FMN2: variants seen among roughly 807,000 people sequenced by gnomAD.
The protein encoded by FMN2 is formin-2.
A neutral mutation model predicts 142.3 loss-of-function variants in FMN2; 51 were observed. The ratio of observed to expected loss-of-function variants is 0.36; its 90% confidence interval spans 0.29 to 0.45. The LOEUF is 0.45. Among genes scored for constraint, FMN2 ranks in the 20% least tolerant of loss-of-function variants. The pLI is 1.00. For synonymous variants in FMN2, 882 were observed against 869.8 expected, an observed-to-expected ratio of 1.01 and a Z score of -0.25; for missense variants, 1,936 against 2,122.8, an observed-to-expected ratio of 0.91 and a Z score of 1.73.
chr1:240,243,055 C>T (rs1411023084), intron 6 of FMN2, among the ~76,000 whole-genome samples: 1 of 151,978 alleles, frequency 6.6e-6, no homozygotes, highest in Non-Finnish European at 1.5e-5. Flanking sequence ...TCCCCTGAGG[C>T]TTACCATTAA....
chr1:240,355,001 G>C (rs891506415), intron 13 of FMN2, among the ~76,000 whole-genome samples: 1 of 152,118 alleles, frequency 6.6e-6, no homozygotes, highest in African/African-American at 2.4e-5. Context: ...AATCTTCTTA[G>C]AGGTACTTCT....
At chr1:240,121,143 T>G (rs1662227090) in intron 1 of FMN2, among the ~76,000 whole-genome samples, 1 of 147,346 alleles carries the variant, frequency 6.8e-6, no homozygotes, top group African/African-American at 2.7e-5. Flanking sequence ...ACAGCGAAAG[T>G]CTATCTCAAA....
At position 240,184,425 on chromosome 1, in the gene FMN2, G is replaced by A. The variant is rs547689048; in HGVS notation, c.1931-3782G>A. Among the ~76,000 whole-genome samples the A allele has an allele frequency of 3.3e-4, 50 of 150,954 alleles. No homozygotes were observed. In the South Asian group the frequency reaches 5.0e-3, roughly 15 times the overall value. On this transcript the variant is annotated intron_variant, in intron 3 of 17. Transcript: ENST00000319653. ...TCATTTTTGTATTTTTAGTAGAGAC[G>A]GGGTTTCACCGTATTGGCCTGACCT...
At chr1:240,288,114 T>C (rs1669652630) in intron 7 of FMN2, among the ~76,000 whole-genome samples, 1 of 152,162 alleles carries the variant, frequency 6.6e-6, no homozygotes, top group Admixed American at 6.5e-5. Flanking sequence ...TGTTTTAGCC[T>C]TTCAGCATTC....
intron 2 of FMN2, among the ~76,000 whole-genome samples, chr1:240,161,703 G>A (rs1160868431): frequency 6.6e-6 from 1 of 152,140 alleles, no homozygotes; most frequent in Non-Finnish European, 1.5e-5. Context: ...ACTGACAAAA[G>A]TGGCACTGAA....
chr1:240,187,428 A>G (rs1044426860), intron 3 of FMN2, among the ~76,000 whole-genome samples: 31 of 152,236 alleles, frequency 2.0e-4, no homozygotes, highest in African/African-American at 7.5e-4. Flanking sequence ...AACCACTTGC[A>G]TTATGGGCTT....
chr1:240,159,754 T>A (rs1664181004), intron 2 of FMN2, among the ~76,000 whole-genome samples: 1 of 151,914 alleles, frequency 6.6e-6, no homozygotes, highest in African/African-American at 2.4e-5. Context: ...AAATAATGCA[T>A]GCTCACTGAG....
intron 7 of FMN2, among the ~76,000 whole-genome samples, chr1:240,262,444 G>T (rs1037737593): frequency 5.3e-5 from 8 of 152,014 alleles, no homozygotes; most frequent in Non-Finnish European, 1.0e-4. Flanking sequence ...AATAATTTTG[G>T]CCTGTTATTC....
intron 6 of FMN2, among the ~76,000 whole-genome samples, chr1:240,254,956 G>A (rs1558395691): frequency 1.3e-5 from 2 of 152,134 alleles, no homozygotes; most frequent in Middle Eastern, 3.2e-3. Context: ...CTCAGTGCGC[G>A]CTCCCTCTGG....
At chr1:240,308,145 T>C (rs1454088598) in intron 8 of FMN2, among the ~76,000 whole-genome samples, 2 of 152,038 alleles carry the variant, frequency 1.3e-5, no homozygotes, top group Non-Finnish European at 2.9e-5. Context: ...TTGCGGGAGA[T>C]GAGGAAGAGA....
At chr1:240,436,634 G>A (rs1004440487) in intron 15 of FMN2, among the ~76,000 whole-genome samples, 1 of 150,326 alleles carries the variant, frequency 6.7e-6, no homozygotes. Flanking sequence ...CTGAGACCAT[G>A]CTGTTGCACT....
At chr1:240,221,608 A>G (rs998600188) in intron 6 of FMN2, among the ~76,000 whole-genome samples, 1 of 151,926 alleles carries the variant, frequency 6.6e-6, no homozygotes, top group African/African-American at 2.4e-5. Context: ...AGTTCTTTGT[A>G]GATTCTGGTA....
intron 2 of FMN2, among the ~76,000 whole-genome samples, chr1:240,146,648 G>A (rs1663495142): frequency 6.6e-6 from 1 of 152,076 alleles, no homozygotes; most frequent in Admixed American, 6.5e-5. Context: ...ATGTTGCAGT[G>A]AGCTGAGACT....
intron 6 of FMN2, among the ~76,000 whole-genome samples, chr1:240,249,397 C>T (rs1189252320): frequency 1.3e-5 from 2 of 152,000 alleles, no homozygotes; most frequent in Non-Finnish European, 2.9e-5. Context: ...TGTTGAAAAT[C>T]AGTTGCCTGT....
chr1:240,170,524 G>A, intron 2 of FMN2: 5 of 1,533,532 alleles, frequency 3.3e-6, no homozygotes, highest in Non-Finnish European at 4.5e-6. Flanking sequence ...AGTCACTCAA[G>A]GGAAAGGATT....
At chr1:240,117,454 G>C (rs564621557) in intron 1 of FMN2, among the ~76,000 whole-genome samples, 7 of 152,188 alleles carry the variant, frequency 4.6e-5, no homozygotes, top group African/African-American at 1.7e-4. Context: ...TGGCTGCGCC[G>C]AAACAGGTCG....
rs533334435 is a variant in FMN2, at chr1:240,471,357, T to C, written c.5061-1015T>C. ...AATAATTTTAAGTAAGCATGGCATGTAAATTTTCTTTTTTTTTTTTTTGAG... is the reference window on the plus strand; with the variant it reads ...AATAATTTTAAGTAAGCATGGCATGCAAATTTTCTTTTTTTTTTTTTTGAG... On this transcript the variant is annotated intron_variant, in intron 16 of 17. Transcript: ENST00000319653. Among the ~76,000 whole-genome samples, 170 of 147,666 alleles carry C rather than the reference T, an allele frequency of 1.2e-3. 1 individual carries two copies. The highest frequency in any genetic ancestry group is 3.8e-3 in the African/African-American group (153 of 40,692).
intron 6 of FMN2, among the ~76,000 whole-genome samples, chr1:240,249,662 G>C (rs983642880): frequency 7.2e-5 from 11 of 152,044 alleles, no homozygotes; most frequent in African/African-American, 2.7e-4. Context: ...TTTTGATAAG[G>C]ATTGCACTGG....
rs1199265115 is a variant in FMN2, at chr1:240,473,550, A to G, written c.5143-578A>G. Reference sequence around the variant, plus strand: ...AATAACCCAAATTGGGATATGATTAAATAGCCCTGTTTTTTTTTAAAAAGT... The same window carrying G: ...AATAACCCAAATTGGGATATGATTAGATAGCCCTGTTTTTTTTTAAAAAGT... On this transcript the variant is annotated intron_variant, in intron 17 of 17. Transcript: ENST00000319653. This position sits in a 1 kb window ranked among gnomAD's most constrained non-coding sequence, Gnocchi z 4.3. 3.3e-5 allele frequency among the ~76,000 whole-genome samples: 5 copies of G among 152,190 alleles called. No individual in the cohort carries two copies. In the East Asian group the frequency reaches 7.7e-4, roughly 23 times the overall value.
Sources: allele counts gnomAD v4.1 joint callset (sites outside exome capture counted in the v4.1 genomes callset), GRCh38; gene constraint gnomAD v4.1.1; non-coding constraint Gnocchi (gnomAD v3.1); transcripts MANE v1.5; gene names NCBI Gene and HGNC (gene_info 2026-07-23, HGNC 2026-07-21).